RASAL2: variants seen among roughly 807,000 people sequenced by gnomAD.
RASAL2 encodes RAS protein activator like 2.
Under a neutral mutation model 128.9 loss-of-function variants are expected in RASAL2, and 58 were observed. The observed-to-expected ratio is 0.45, with a 90% CI of 0.36 to 0.56. The LOEUF (loss-of-function observed/expected upper bound fraction) is 0.56, where lower values mean the gene tolerates loss of function less well. Among genes scored for constraint, RASAL2 ranks in the 20% least tolerant of loss-of-function variants. RASAL2 has a pLI of 0.00. For synonymous variants in RASAL2, 561 were observed against 580.8 expected, an observed-to-expected ratio of 0.97 and a Z score of 0.49; for missense variants, 1,360 against 1,601.6, an observed-to-expected ratio of 0.85 and a Z score of 2.57.
At chr1:178,273,025 C>G (rs1343726127) in intron 1 of RASAL2, among the ~76,000 whole-genome samples, 1 of 152,084 alleles carries the variant, frequency 6.6e-6, no homozygotes, top group East Asian at 1.9e-4. Flanking sequence ...TAAAAGAACC[C>G]TGCACGTGTA....
chr1:178,217,500 G>A, intron 1 of RASAL2, among the ~76,000 whole-genome samples: 1 of 152,134 alleles, frequency 6.6e-6, no homozygotes, highest in East Asian at 1.9e-4. Context: ...ACATTTATGA[G>A]TTTTGACAAG....
intron 1 of RASAL2, among the ~76,000 whole-genome samples, chr1:178,279,023 C>T (rs752589344): frequency 6.6e-6 from 1 of 152,148 alleles, no homozygotes; most frequent in Non-Finnish European, 1.5e-5. Context: ...TTTATATTAG[C>T]ATTTGAAGGA....
intron 1 of RASAL2, among the ~76,000 whole-genome samples, chr1:178,134,152 A>T (rs909978096): frequency 6.6e-6 from 1 of 152,210 alleles, no homozygotes; most frequent in African/African-American, 2.4e-5. Flanking sequence ...AGGGATTCTC[A>T]TAACATTGTA....
At chr1:178,115,045 G>C (rs943164916) in intron 1 of RASAL2, among the ~76,000 whole-genome samples, 3 of 152,110 alleles carry the variant, frequency 2.0e-5, no homozygotes, top group East Asian at 1.9e-4. Context: ...TTCTGGAAGA[G>C]TTTGTGTAGA....
chr1:178,289,278 ACT>A (rs1274929767), intron 2 of RASAL2, among the ~76,000 whole-genome samples: 1 of 151,900 alleles, frequency 6.6e-6, no homozygotes, highest in African/African-American at 2.4e-5. Flanking sequence ...CTTCCATGAC[ACT>A]GTGTTCTTTT....
chr1:178,342,403 T>C (rs1362919681), intron 3 of RASAL2, among the ~76,000 whole-genome samples: 2 of 152,194 alleles, frequency 1.3e-5, no homozygotes, highest in Non-Finnish European at 2.9e-5. Context: ...TTCTCTATAC[T>C]ACATCTGCTA....
chr1:178,184,603 T>C (rs1182746497), intron 1 of RASAL2, among the ~76,000 whole-genome samples: 1 of 152,102 alleles, frequency 6.6e-6, no homozygotes, highest in Non-Finnish European at 1.5e-5. Context: ...GAATTACTTG[T>C]TTCCTTTTGT....
At chr1:178,140,915 TATGCAAGC>T (rs1395838139) in intron 1 of RASAL2, among the ~76,000 whole-genome samples, 1 of 152,232 alleles carries the variant, frequency 6.6e-6, no homozygotes, top group Non-Finnish European at 1.5e-5. Flanking sequence ...TTCTGTAGGC[TATGCAAGC>T]ATGGCACTGG....
chr1:178,152,727 C>A (rs1469991245), intron 1 of RASAL2, among the ~76,000 whole-genome samples: 1 of 152,066 alleles, frequency 6.6e-6, no homozygotes, highest in Non-Finnish European at 1.5e-5. Context: ...TATACATACA[C>A]AAAAGTGGAG....
intron 3 of RASAL2, among the ~76,000 whole-genome samples, chr1:178,318,100 G>T (rs1668573337): frequency 6.6e-6 from 1 of 152,166 alleles, no homozygotes; most frequent in Non-Finnish European, 1.5e-5. Context: ...TAGTTGAGCG[G>T]CTTTGAGTGG....
intron 1 of RASAL2, among the ~76,000 whole-genome samples, chr1:178,223,019 G>A (rs1663663931): frequency 6.6e-6 from 1 of 152,116 alleles, no homozygotes; most frequent in African/African-American, 2.4e-5. Context: ...GTATTTTGAT[G>A]TAATCTTCAT....
chr1:178,288,753 C>T (rs1177313792), intron 2 of RASAL2, among the ~76,000 whole-genome samples: 1 of 146,560 alleles, frequency 6.8e-6, no homozygotes, highest in African/African-American at 2.5e-5. Flanking sequence ...TGGGTTCAAG[C>T]GATTCTCCTG....
chr1:178,365,693 G>A lies in RASAL2; in HGVS notation c.458-24407G>A, dbSNP rs533373417. 6.6e-5 allele frequency among the ~76,000 whole-genome samples: 10 copies of A among 152,032 alleles called. No individual in the cohort carries two copies. The South Asian group carries it at 1.7e-3, about 25-fold the overall frequency. ...TCACCATGTTGGCCAGGCTGGTCTC[G>A]ATCTCCTGACCTCAGGTGATCCACC... On this transcript the variant is annotated intron_variant, in intron 3 of 17. Coordinates refer to ENST00000367649, the MANE Select transcript of RASAL2 (RefSeq NM_170692.4).
chr1:178,325,155 C>G (rs1011079135), intron 3 of RASAL2, among the ~76,000 whole-genome samples: 18 of 152,224 alleles, frequency 1.2e-4, no homozygotes, highest in Middle Eastern at 3.4e-3. Context: ...AAAAATTCTC[C>G]TTACAACATT....
chr1:178,143,386 A>C (rs1325697079), intron 1 of RASAL2, among the ~76,000 whole-genome samples: 2 of 152,048 alleles, frequency 1.3e-5, no homozygotes, highest in Non-Finnish European at 2.9e-5. Context: ...GAATGCGTGG[A>C]AGATAGATTT....
chr1:178,419,402 T>C (rs1361754122), intron 4 of RASAL2, among the ~76,000 whole-genome samples: 1 of 152,094 alleles, frequency 6.6e-6, no homozygotes, highest in Non-Finnish European at 1.5e-5. Context: ...TCCTCCTGAG[T>C]AGCTGGGACT....
At chr1:178,213,333 T>C (rs990912306) in intron 1 of RASAL2, among the ~76,000 whole-genome samples, 1 of 152,200 alleles carries the variant, frequency 6.6e-6, no homozygotes, top group African/African-American at 2.4e-5. Context: ...CATGAGCCAC[T>C]GTACCTAGCC....
chr1:178,166,674 G>A (rs1356661075), intron 1 of RASAL2, among the ~76,000 whole-genome samples: 2 of 152,020 alleles, frequency 1.3e-5, no homozygotes, highest in Non-Finnish European at 2.9e-5. Flanking sequence ...AATCATAGAG[G>A]GGAGAAAGAG....
At chr1:178,125,975 G>A (rs900864370) in intron 1 of RASAL2, among the ~76,000 whole-genome samples, 1 of 152,180 alleles carries the variant, frequency 6.6e-6, no homozygotes, top group Admixed American at 6.5e-5. Context: ...GCATTGTAGG[G>A]ATACAGATAG....
Sources: gnomAD v4.1 joint callset for allele counts (sites outside exome capture counted in the v4.1 genomes callset) on GRCh38, gnomAD v4.1.1 for gene constraint, MANE v1.5 for transcripts, NCBI Gene and HGNC (gene_info 2026-07-23, HGNC 2026-07-21) for gene names.